The following SGPL1 variants were observed in gnomAD, a reference collection of about 807,000 sequenced individuals.
SGPL1 encodes the protein SP-lyase 1.
Under a neutral mutation model 68.9 loss-of-function variants are expected in SGPL1, and 37 were observed. The observed-to-expected ratio is 0.54, with a 90% CI of 0.41 to 0.71. The LOEUF (loss-of-function observed/expected upper bound fraction) is 0.71, where lower values mean the gene tolerates loss of function less well. SGPL1 is among the 30% of genes least tolerant of loss of function. SGPL1 has a pLI of 0.00. For synonymous variants in SGPL1, 236 were observed against 248.5 expected (o/e 0.95, Z 0.47); for missense variants, 551 against 704.6 (o/e 0.78, Z 2.47).
chr10:70,866,053 A>T (rs1246033752), intron 7 of SGPL1, among the ~76,000 whole-genome samples: 1 of 152,232 alleles, frequency 6.6e-6, no homozygotes, highest in African/African-American at 2.4e-5. Flanking sequence ...GTGGGAGAGT[A>T]ATAGCATTTT....
At chr10:70,825,855 A>G (rs1845425154) in intron 2 of SGPL1, among the ~76,000 whole-genome samples, 1 of 152,242 alleles carries the variant, frequency 6.6e-6, no homozygotes, top group Non-Finnish European at 1.5e-5. Context: ...CTAAAGTAAT[A>G]GAGATTTTTT....
chr10:70,835,959 CAAG>C lies in SGPL1; in HGVS notation c.28-8513_28-8511del, dbSNP rs145857615. On this transcript the variant is annotated intron_variant, in intron 2 of 14. Transcript: ENST00000373202. ...TGTGGCCCAGCAAGCTGCATTCAGA[CAAG>C]GAGGCAGTTTGAGAGGTACGAGTTG... is the stretch of plus-strand genomic sequence containing the variant. Among the ~76,000 whole-genome samples the C allele has an allele frequency of 2.8e-3, 424 of 152,218 alleles. 3 individuals are homozygous for C. The highest frequency in any genetic ancestry group is 9.6e-3 in the African/African-American group (399 of 41,528).
At chr10:70,840,739 A>G (rs533873697) in intron 2 of SGPL1, among the ~76,000 whole-genome samples, 1 of 152,314 alleles carries the variant, frequency 6.6e-6, no homozygotes, top group East Asian at 1.9e-4. Context: ...CATAAGAATC[A>G]AAACAAATAC....
chr10:70,851,550 G>A (rs1845881813), intron 4 of SGPL1, among the ~76,000 whole-genome samples: 1 of 151,964 alleles, frequency 6.6e-6, no homozygotes, highest in Non-Finnish European at 1.5e-5. Context: ...CAATGTAACT[G>A]GCCAAAGGAG....
Position 70,868,391 on chromosome 10 carries a change from A to T in SGPL1, c.662A>T (p.Tyr221Phe). The T allele has an allele frequency of 6.2e-7, 1 of 1,613,920 alleles. No individual in the cohort carries two copies. The highest frequency in any genetic ancestry group is 1.1e-5 in the South Asian group (1 of 91,076). The part of the protein sequence containing the change: ...TESILMACKA[Y>F]RDLAFEKGIK... ...AGCATACTGATGGCCTGCAAAGCAT[A>T]TCGGGATCTGGCCTTTGAGAAGGGG... The change falls in exon 8 of 15, where the codon TAT (tyrosine) becomes TTT (phenylalanine). Residue 221 changes from tyrosine (Y) to phenylalanine (F), a missense_variant. Coordinates refer to ENST00000373202, the MANE Select transcript of SGPL1 (RefSeq NM_003901.4).
At chr10:70,831,940 C>T (rs1223235981) in intron 2 of SGPL1, among the ~76,000 whole-genome samples, 2 of 152,110 alleles carry the variant, frequency 1.3e-5, no homozygotes, top group African/African-American at 4.8e-5. Context: ...TGCTTTGAGG[C>T]AGGTAAAAGA....
Position 70,857,628 on chromosome 10 carries a change from G to A in SGPL1, c.424G>A (p.Glu142Lys). The A allele has an allele frequency of 6.2e-7, 1 of 1,613,448 alleles. No individual in the cohort carries two copies. The change falls in exon 6 of 15, where the codon GAG becomes AAG. Residue 142 changes from glutamate (E) to lysine (K), a missense_variant. By Grantham distance (56) the Glu-to-Lys change is moderately conservative. Transcript: ENST00000373202. The stretch of plus-strand genomic sequence containing the variant: ...TTTCTCTGCAGACGCCTTCTGGCAA[G>A]AGGGGAGAGCCTCTGGAACAGTGTA... ...EYSSMDAFWQ[E>K]GRASGTVYSG...
At chr10:70,862,224 A>G (rs1206552773) in intron 7 of SGPL1, among the ~76,000 whole-genome samples, 6 of 152,198 alleles carry the variant, frequency 3.9e-5, no homozygotes, top group Non-Finnish European at 5.9e-5. Context: ...AAACACACCA[A>G]TCAGCACCCT....
intron 7 of SGPL1, among the ~76,000 whole-genome samples, chr10:70,865,291 A>G (rs1387005541): frequency 6.7e-6 from 1 of 148,304 alleles, no homozygotes; most frequent in African/African-American, 2.5e-5. Context: ...TTGTTATTGT[A>G]GATTTTGACT....
At chr10:70,843,469 T>C (rs193172599) in intron 2 of SGPL1, among the ~76,000 whole-genome samples, 2 of 152,350 alleles carry the variant, frequency 1.3e-5, no homozygotes, top group Non-Finnish European at 1.5e-5. Flanking sequence ...ATTGTAGATA[T>C]GAATAGAACT....
intron 2 of SGPL1, among the ~76,000 whole-genome samples, chr10:70,826,221 C>T (rs747893885): frequency 1.3e-5 from 2 of 152,082 alleles, no homozygotes; most frequent in Non-Finnish European, 2.9e-5. Context: ...TACAACACAA[C>T]ACAACAATAC....
Position 70,869,772 on chromosome 10 carries a change from T to C in SGPL1, c.705-20T>C. On this transcript the variant is annotated intron_variant, in intron 8 of 14. Transcript: ENST00000373202. ...TATTTTGGCCTGAGTTACATTATTC[T>C]CCTCTTCCCTGTCATTTAGTGTGGC... The C allele has an allele frequency of 6.2e-7, 1 of 1,600,556 alleles. No homozygotes were observed. Among genetic ancestry groups the C allele is most frequent in the Non-Finnish European group, 8.6e-7 (1 of 1,168,660 alleles).
chr10:70,857,453 A>T lies in SGPL1; in HGVS notation c.410-161A>T, dbSNP rs113290175. On this transcript the variant is annotated intron_variant, in intron 5 of 14. Transcript: ENST00000373202. Reference sequence around the variant, plus strand: ...ATCTTTATTTTATTGTGCTAACTCTATTGAACTTTTTTCTTGATTTGCTAT... The same window carrying T: ...ATCTTTATTTTATTGTGCTAACTCTTTTGAACTTTTTTCTTGATTTGCTAT... 0.053 allele frequency: 31,451 copies of T among 589,180 alleles called. 1,002 individuals are homozygous for T. The highest frequency in any genetic ancestry group is 0.064 in the Non-Finnish European group (21,051 of 330,444). The allele number at this position is 589,180 out of a possible 1,614,324, so 36.5% of individuals were successfully genotyped here. A position where few individuals can be genotyped will look rare whatever the true frequency, so the allele number is the denominator to read the frequency against.
chr10:70,853,485 C>T (rs1845917835), intron 4 of SGPL1, among the ~76,000 whole-genome samples: 1 of 152,204 alleles, frequency 6.6e-6, no homozygotes, highest in African/African-American at 2.4e-5. Flanking sequence ...GCCCTTCTGC[C>T]TCCTTACTCT....
rs1846484985 is a variant in SGPL1, at chr10:70,880,910, C to T, written c.*3575C>T. 6.6e-6 allele frequency: 1 copy of T among 152,048 alleles called. No individual in the cohort carries two copies. Among genetic ancestry groups the T allele is most frequent in the African/African-American group, 2.4e-5 (1 of 41,380 alleles). The allele number at this position is 152,048 out of a possible 1,614,324, so 9.4% of individuals were successfully genotyped here. A position where few individuals can be genotyped will look rare whatever the true frequency, so the allele number is the denominator to read the frequency against. On this transcript the variant is annotated 3_prime_UTR_variant, in exon 15 of 15. Coordinates refer to ENST00000373202, the MANE Select transcript of SGPL1 (RefSeq NM_003901.4). ...TGCTCCATACAGCTGTACGTCAGCC[C>T]CTTGGCCTTCTCTGTAGGTTCTTGG...
chr10:70,873,783 G>C (rs753452653), intron 12 of SGPL1, among the ~76,000 whole-genome samples, 194 bp downstream of exon 12: 1 of 152,216 alleles, frequency 6.6e-6, no homozygotes, highest in Non-Finnish European at 1.5e-5. Context: ...TCTCTGCCCT[G>C]ACTTTTGGAG....
chr10:70,859,398 C>A lies in SGPL1; in HGVS notation c.514C>A (p.Pro172Thr). ...TTATGGAGATTTTGCATGGAGTAAC[C>A]CCCTGCATCCAGATATCTTCCCAGG... Reference protein sequence around the residue: ...KAYGDFAWSNPLHPDIFPGLR... With the variant: ...KAYGDFAWSNTLHPDIFPGLR... The change falls in exon 7 of 15, where the codon CCC becomes ACC. Residue 172 changes from proline to threonine, a missense_variant. Transcript: ENST00000373202. 1.3e-6 allele frequency: 2 copies of A among 1,541,334 alleles called. No individual in the cohort carries two copies. Among genetic ancestry groups the A allele is most frequent in the East Asian group, 2.4e-5 (1 of 40,888 alleles).
intron 2 of SGPL1, among the ~76,000 whole-genome samples, chr10:70,833,055 G>A (rs1845571047): frequency 1.3e-5 from 2 of 152,176 alleles, no homozygotes; most frequent in South Asian, 2.1e-4. Flanking sequence ...GCAGTGTTTC[G>A]GGTTCAGCTT....
chr10:70,857,639 C>T lies in SGPL1; in HGVS notation c.435C>T (p.Ala145=). The change falls in exon 6 of 15, where the codon GCC becomes GCT. Residue 145 remains alanine, a synonymous_variant. Coordinates refer to ENST00000373202, the MANE Select transcript of SGPL1 (RefSeq NM_003901.4). The part of the protein sequence containing the change: ...SMDAFWQEGR[A]SGTVYSGEEK... ...ACGCCTTCTGGCAAGAGGGGAGAGC[C>T]TCTGGAACAGTGTACAGTGGGGAGG... is the stretch of plus-strand genomic sequence containing the variant. 1 of 1,613,512 alleles carries T rather than the reference C, an allele frequency of 6.2e-7. No individual in the cohort carries two copies. The highest frequency in any genetic ancestry group is 8.5e-7 in the Non-Finnish European group (1 of 1,179,610).
Sources: allele counts gnomAD v4.1 joint callset (sites outside exome capture counted in the v4.1 genomes callset), GRCh38; gene constraint gnomAD v4.1.1; transcripts MANE v1.5; gene names NCBI Gene and HGNC (gene_info 2026-07-23, HGNC 2026-07-21).